NELL1: variants seen among roughly 807,000 people sequenced by gnomAD.
NELL1 encodes the protein protein kinase C-binding protein NELL1.
NELL1 carries 76 observed loss-of-function variants against 107.4 expected under a neutral mutation model. That is an observed-to-expected ratio of 0.71 (90% CI 0.59 to 0.86). The LOEUF is 0.86. Ranked by LOEUF, NELL1 falls within the 40% of genes least tolerant of loss-of-function variation. The pLI, the probability that NELL1 is intolerant of heterozygous loss-of-function variation, is 0.00. For missense variants in NELL1, 1,024 were observed against 1,005.5 expected, an observed-to-expected ratio of 1.02 and a Z score of -0.25; for synonymous variants, 353 against 341.2, an observed-to-expected ratio of 1.03 and a Z score of -0.38.
chr11:21,208,425 A>G (rs1857433473), intron 13 of NELL1, among the ~76,000 whole-genome samples: 1 of 150,098 alleles, frequency 6.7e-6, no homozygotes, highest in Admixed American at 6.7e-5. Flanking sequence ...TGATGGATAT[A>G]TATTATATAT....
At chr11:21,341,003 T>A (rs1424002581) in intron 14 of NELL1, among the ~76,000 whole-genome samples, 1 of 152,216 alleles carries the variant, frequency 6.6e-6, no homozygotes. Flanking sequence ...ACTCCATCTC[T>A]GCCCCCCTAT....
chr11:21,032,955 G>GT (rs1224079893), intron 12 of NELL1, among the ~76,000 whole-genome samples: 2 of 151,980 alleles, frequency 1.3e-5, no homozygotes. Context: ...GAACACATTT[G>GT]TTTTTTCTTT....
intron 14 of NELL1, among the ~76,000 whole-genome samples, chr11:21,268,627 T>A (rs1848680910): frequency 6.6e-6 from 1 of 152,152 alleles, no homozygotes; most frequent in Non-Finnish European, 1.5e-5. Context: ...AGGCACAGTC[T>A]TAATGAAAGA....
At position 21,209,681 on chromosome 11, in the gene NELL1, C is replaced by A. The variant is rs544244383; in HGVS notation, c.1427-19651C>A. On this transcript the variant is annotated intron_variant, in intron 13 of 19. Coordinates refer to ENST00000357134, the MANE Select transcript of NELL1 (RefSeq NM_006157.5). ...TAAGTGTATTTTCAGAGTTGCACAG[C>A]AATTATCATAATCTGGTTTTAGAAC... 5.3e-5 allele frequency among the ~76,000 whole-genome samples: 8 copies of A among 152,038 alleles called. No homozygotes were observed. The South Asian group carries it at 1.7e-3, about 32-fold the overall frequency.
chr11:21,407,748 C>T (rs1852270915), intron 15 of NELL1, among the ~76,000 whole-genome samples: 1 of 150,004 alleles, frequency 6.7e-6, no homozygotes, highest in Non-Finnish European at 1.5e-5. Flanking sequence ...CCCTTGCCCT[C>T]TGATGAAACA....
At chr11:20,790,601 C>T (rs893010044) in intron 3 of NELL1, among the ~76,000 whole-genome samples, 18 of 152,164 alleles carry the variant, frequency 1.2e-4, no homozygotes, top group African/African-American at 4.3e-4. Context: ...AGGCCTGGGT[C>T]TGCAGCCACA....
rs138897416 is a variant in NELL1, at chr11:20,703,590, G to A, written c.184+25530G>A. ...TTGCTTCTCTAGTTCTTTTAACTGTGATGTTAGGGTGTCAATTTTAGATCT... is the reference window on the plus strand; with the variant it reads ...TTGCTTCTCTAGTTCTTTTAACTGTAATGTTAGGGTGTCAATTTTAGATCT... On this transcript the variant is annotated intron_variant, in intron 2 of 19. Coordinates refer to ENST00000357134, the MANE Select transcript of NELL1 (RefSeq NM_006157.5). Among the ~76,000 whole-genome samples, 1,403 of 152,228 alleles carry A rather than the reference G, an allele frequency of 9.2e-3. 22 individuals carry two copies. The highest frequency in any genetic ancestry group is 0.036 in the Admixed American group (543 of 15,290).
At chr11:20,874,360 G>A (rs969069949) in intron 4 of NELL1, among the ~76,000 whole-genome samples, 2 of 152,152 alleles carry the variant, frequency 1.3e-5, no homozygotes, top group African/African-American at 2.4e-5. Context: ...GAGCCACCTC[G>A]CCCGGCCTAG....
At chr11:21,174,494 C>A (rs900088197) in intron 13 of NELL1, among the ~76,000 whole-genome samples, 1 of 151,714 alleles carries the variant, frequency 6.6e-6, no homozygotes, top group African/African-American at 2.4e-5. Context: ...CACTATTTTT[C>A]ATTTCAAATG....
chr11:21,291,563 C>T (rs1417311933), intron 14 of NELL1, among the ~76,000 whole-genome samples: 1 of 152,164 alleles, frequency 6.6e-6, no homozygotes, highest in Non-Finnish European at 1.5e-5. Flanking sequence ...TCCTCCCTAA[C>T]TCATTTTATG....
chr11:20,802,732 A>G (rs1857304475), intron 3 of NELL1, among the ~76,000 whole-genome samples: 1 of 152,118 alleles, frequency 6.6e-6, no homozygotes, highest in African/African-American at 2.4e-5. Context: ...TTGTGTTGAG[A>G]TAAATGTTCC....
intron 13 of NELL1, among the ~76,000 whole-genome samples, chr11:21,145,011 A>G (rs1478129943): frequency 6.6e-6 from 1 of 152,202 alleles, no homozygotes; most frequent in African/African-American, 2.4e-5. Context: ...AAAACTTAAA[A>G]ATAACAATAC....
At position 21,116,023 on chromosome 11, in the gene NELL1, T is replaced by C. The variant is rs149142044; in HGVS notation, c.1426+2309T>C. On this transcript the variant is annotated intron_variant, in intron 13 of 19. Coordinates refer to ENST00000357134, the MANE Select transcript of NELL1 (RefSeq NM_006157.5). ...AAACTTCTTAATTTGCCTGTGGTTA[T>C]TGTCCTCACCTTACATTTATTCAGC... is the stretch of plus-strand genomic sequence containing the variant. 4.5e-3 allele frequency among the ~76,000 whole-genome samples: 685 copies of C among 152,098 alleles called. 3 individuals carry two copies. Among genetic ancestry groups the C allele is most frequent in the Middle Eastern group, 0.02 (6 of 294 alleles).
At chr11:21,204,860 C>G (rs1402111573) in intron 13 of NELL1, among the ~76,000 whole-genome samples, 1 of 152,138 alleles carries the variant, frequency 6.6e-6, no homozygotes, top group African/African-American at 2.4e-5. Context: ...TTCCTTCTAA[C>G]AGGCCCCTCT....
At chr11:21,488,870 T>G (rs1854716552) in intron 15 of NELL1, among the ~76,000 whole-genome samples, 1 of 151,860 alleles carries the variant, frequency 6.6e-6, no homozygotes, top group African/African-American at 2.4e-5. Flanking sequence ...TGATGCACCT[T>G]AAGGAACTGG....
At chr11:21,399,685 C>T (rs1160064923) in intron 15 of NELL1, among the ~76,000 whole-genome samples, 1 of 151,652 alleles carries the variant, frequency 6.6e-6, no homozygotes, top group Non-Finnish European at 1.5e-5. Flanking sequence ...TAATTTAACC[C>T]AAGTTTATAT....
intron 15 of NELL1, among the ~76,000 whole-genome samples, chr11:21,383,197 T>C (rs1002167735): frequency 1.3e-5 from 2 of 151,984 alleles, no homozygotes; most frequent in African/African-American, 2.4e-5. Context: ...ATACAAAGTA[T>C]GATGAATTGA....
At chr11:20,950,836 T>A (rs143880968) in intron 11 of NELL1, among the ~76,000 whole-genome samples, 2 of 152,346 alleles carry the variant, frequency 1.3e-5, no homozygotes, top group East Asian at 3.9e-4. Flanking sequence ...ATAGCTGTAC[T>A]GCTTCTGCCA....
At chr11:20,825,833 A>G (rs1857869631) in intron 3 of NELL1, among the ~76,000 whole-genome samples, 1 of 151,006 alleles carries the variant, frequency 6.6e-6, no homozygotes, top group South Asian at 2.1e-4. Flanking sequence ...CACATTTCAA[A>G]CCTGGGAGGG....
Sources: gnomAD v4.1 joint callset for allele counts (sites outside exome capture counted in the v4.1 genomes callset) on GRCh38, gnomAD v4.1.1 for gene constraint, MANE v1.5 for transcripts, NCBI Gene and HGNC (gene_info 2026-07-23, HGNC 2026-07-21) for gene names.